The following ZNF567 variants were observed in gnomAD, a reference collection of about 807,000 sequenced individuals.
ZNF567 encodes zinc finger protein 567.
Under a neutral mutation model 53.9 loss-of-function variants are expected in ZNF567, and 36 were observed. That is an observed-to-expected ratio of 0.67 (90% CI 0.51 to 0.88). The LOEUF (loss-of-function observed/expected upper bound fraction) is 0.88, where lower values mean the gene tolerates loss of function less well. ZNF567 is among the 40% of genes least tolerant of loss of function. ZNF567 has a pLI of 0.00. For missense variants in ZNF567, 619 were observed against 764.7 expected (o/e 0.81, Z 2.25); for synonymous variants, 224 against 260.4 (o/e 0.86, Z 1.35).
intron 1 of ZNF567, among the ~76,000 whole-genome samples, chr19:36,688,098 A>G (rs759835666): frequency 6.6e-6 from 1 of 152,078 alleles, no homozygotes; most frequent in Non-Finnish European, 1.5e-5. Context: ...TTTAAATTAG[A>G]TGCGAGTCGA....
In ZNF567 at chr19:36,689,401, T is replaced by C. The variant is rs1167419852; in HGVS notation, c.-163T>C. On this transcript the variant is annotated 5_prime_UTR_variant, in exon 2 of 6. Coordinates refer to ENST00000682579, the MANE Select transcript of ZNF567 (RefSeq NM_001322917.1). ...TCTCCTCTTTACTCCCTATAGGCAG[T>C]CTTTAGCTCTCATGGATTGGGAGCT... is the stretch of plus-strand genomic sequence containing the variant. The C allele has an allele frequency of 1.3e-5, 2 of 152,022 alleles. No homozygotes were observed. Among genetic ancestry groups the C allele is most frequent in the African/African-American group, 4.8e-5 (2 of 41,386 alleles). 9.4% of individuals were successfully genotyped at this position (152,022 alleles called of 1,614,324 possible).
intron 2 of ZNF567, among the ~76,000 whole-genome samples, chr19:36,689,771 T>C (rs1347769473): frequency 2.6e-5 from 4 of 152,168 alleles, no homozygotes; most frequent in African/African-American, 4.8e-5. Flanking sequence ...CTTAGAAATA[T>C]GTAAAATTTT....
chr19:36,719,834 TGG>T lies in ZNF567; in HGVS notation c.1112_1113del (p.Gly371GlufsTer19), dbSNP rs1282369124. 1 of 1,614,112 alleles carries T rather than the reference TGG, an allele frequency of 6.2e-7. No individual in the cohort carries two copies. The part of the protein sequence containing the change: ...GEKPYECNDC[G>X]KSFRQKTTLS... ...AGAAACCATATGAGTGTAATGACTG[TGG>T]GAAGTCCTTCCGCCAGAAGACAACA... On this transcript the variant is annotated frameshift_variant, in exon 6 of 6. Transcript: ENST00000682579. LOFTEE classifies it high-confidence loss of function.
intron 5 of ZNF567, among the ~76,000 whole-genome samples, chr19:36,713,797 TGG>T (rs2039908355): frequency 6.6e-6 from 1 of 152,104 alleles, no homozygotes; most frequent in South Asian, 2.1e-4. Flanking sequence ...TAGCTGGGTG[TGG>T]TGGCACATGC....
chr19:36,721,732 C>CTTTTTTTTTTTTTTTTTTT (rs756276834), downstream of ZNF567, among the ~76,000 whole-genome samples: 6 of 121,670 alleles, frequency 4.9e-5, no homozygotes, highest in Admixed American at 4.0e-4. Flanking sequence ...GTACCAGAGT[C>CTTTTTTTTTTTTTTTTTTT]TTTTTTTTTT....
intron 2 of ZNF567, 26 bp downstream of exon 2, chr19:36,689,523 G>A (rs1190394002): frequency 6.6e-6 from 1 of 152,030 alleles, no homozygotes. Context: ...CCTTCCAAGA[G>A]AACCTGCTGC....
chr19:36,715,339 T>G (rs1486536941), intron 5 of ZNF567, among the ~76,000 whole-genome samples: 1 of 150,762 alleles, frequency 6.6e-6, no homozygotes, highest in Non-Finnish European at 1.5e-5. Context: ...TTTTGTATTT[T>G]TAGTAGAGAT....
intron 3 of ZNF567, among the ~76,000 whole-genome samples, chr19:36,696,857 G>A (rs747773437): frequency 1.8e-4 from 28 of 152,086 alleles, no homozygotes; most frequent in Non-Finnish European, 3.1e-4. Context: ...ATTTTTTAGC[G>A]TATAATTCAA....
intron 3 of ZNF567, among the ~76,000 whole-genome samples, chr19:36,700,866 A>T (rs1471823235): frequency 6.6e-6 from 1 of 152,082 alleles, no homozygotes; most frequent in Non-Finnish European, 1.5e-5. Context: ...ATCCTTTCAA[A>T]AAACCAGCTC....
At chr19:36,670,173 G>C in the ZNF567 span, among the ~76,000 whole-genome samples, 1 of 152,042 alleles carries the variant, frequency 6.6e-6, no homozygotes, top group East Asian at 1.9e-4. Flanking sequence ...GTGATGAATG[G>C]AGTTTTAGCT....
At chr19:36,689,822 A>T (rs1317392267) in intron 2 of ZNF567, among the ~76,000 whole-genome samples, 1 of 152,198 alleles carries the variant, frequency 6.6e-6, no homozygotes, top group Non-Finnish European at 1.5e-5. Flanking sequence ...TGGTGGCCTC[A>T]GGGTCTGAGG....
chr19:36,689,807 G>C (rs1281314006), intron 2 of ZNF567, among the ~76,000 whole-genome samples: 1 of 152,106 alleles, frequency 6.6e-6, no homozygotes, highest in Non-Finnish European at 1.5e-5. Context: ...CACCACTTTG[G>C]TTCCTGGTGG....
downstream of ZNF567, chr19:36,727,011 C>CTTTCCTTTTCT (rs1555809310): frequency 9.0e-4 from 22 of 24,328 alleles, no homozygotes; most frequent in African/African-American, 2.1e-3. Context: ...TCTTTCTTTC[C>CTTTCCTTTTCT]TTTTTTTTTT....
At position 36,694,794 on chromosome 19, in the gene ZNF567, C is replaced by A; in HGVS notation, c.-66-8C>A. ...GTGGCTTTTTTTGTCTCGGCTTTGC[C>A]TCCTTAGGAACTGCCTCTTTTCTAA... is the stretch of plus-strand genomic sequence containing the variant. On this transcript the variant is annotated splice_polypyrimidine_tract_variant and splice_region_variant and intron_variant, in intron 2 of 5. Transcript: ENST00000682579. 1 of 1,441,304 alleles carries A rather than the reference C, an allele frequency of 6.9e-7. No homozygotes were observed. Among genetic ancestry groups the A allele is most frequent in the Non-Finnish European group, 9.2e-7 (1 of 1,088,918 alleles). 89.3% of individuals were successfully genotyped at this position (1,441,304 alleles called of 1,614,324 possible). A position where few individuals can be genotyped will look rare whatever the true frequency, so the allele number is the denominator to read the frequency against.
intron 2 of ZNF567, among the ~76,000 whole-genome samples, chr19:36,689,741 G>A (rs754821237): frequency 6.6e-6 from 1 of 152,112 alleles, no homozygotes; most frequent in Non-Finnish European, 1.5e-5. Context: ...AGCCACCTCA[G>A]TCACTTTGCC....
intron 3 of ZNF567, among the ~76,000 whole-genome samples, chr19:36,707,670 C>T (rs181306526): frequency 2.0e-5 from 3 of 151,982 alleles, no homozygotes; most frequent in Non-Finnish European, 2.9e-5. Context: ...CTCTGCCTTC[C>T]GGGTTTAAGT....
chr19:36,685,832 C>T (rs1448855198), upstream of ZNF567: 1 of 152,214 alleles, frequency 6.6e-6, no homozygotes. Context: ...TTGGGCTTGG[C>T]TTGCCTGAGT....
intron 1 of ZNF567, among the ~76,000 whole-genome samples, chr19:36,689,067 A>G (rs2038441209): frequency 6.6e-6 from 1 of 152,198 alleles, no homozygotes; most frequent in Non-Finnish European, 1.5e-5. Context: ...ACTGCACTCC[A>G]GCCTGGGCGA....
chr19:36,691,282 C>T (rs573008797), intron 2 of ZNF567, among the ~76,000 whole-genome samples: 1 of 152,264 alleles, frequency 6.6e-6, no homozygotes, highest in South Asian at 2.1e-4. Context: ...CCTCAGCCTC[C>T]CAAGTAGCTG....
Sources: gnomAD v4.1 joint callset for allele counts (sites outside exome capture counted in the v4.1 genomes callset) on GRCh38, gnomAD v4.1.1 for gene constraint, MANE v1.5 for transcripts, NCBI Gene and HGNC (gene_info 2026-07-23, HGNC 2026-07-21) for gene names.